Variants in PLXDC2 observed in about 807,000 individuals in gnomAD.
PLXDC2 encodes plexin domain-containing protein 2.
In PLXDC2, 40 loss-of-function variants were observed where a neutral mutation model predicts 68.9. That is an observed-to-expected ratio of 0.58 (90% CI 0.45 to 0.76). The LOEUF is 0.76. PLXDC2 is among the 30% of genes least tolerant of loss of function. The probability of loss-of-function intolerance (pLI) is 0.00; values close to 1 mark genes in which losing one functional copy is unlikely to be tolerated. For missense variants in PLXDC2, 644 were observed against 661.9 expected (o/e 0.97, Z 0.30); for synonymous variants, 243 against 234.2 (o/e 1.04, Z -0.34).
In PLXDC2 at chr10:19,816,780, C is replaced by G; in HGVS notation, c.-300C>G. On this transcript the variant is annotated 5_prime_UTR_variant, in exon 1 of 14. Coordinates refer to ENST00000377252, the MANE Select transcript of PLXDC2 (RefSeq NM_032812.9). ...CTGCCCGAGTGGAACCGACAGTTTGCGAGCCTCGGCTGCAAGTGGCCTCTC... is the reference window on the plus strand; with the variant it reads ...CTGCCCGAGTGGAACCGACAGTTTGGGAGCCTCGGCTGCAAGTGGCCTCTC... 1 of 477,862 alleles carries G rather than the reference C, an allele frequency of 2.1e-6. No homozygotes were observed. The highest frequency in any genetic ancestry group is 3.8e-6 in the Non-Finnish European group (1 of 266,528). 29.6% of individuals were successfully genotyped at this position (477,862 alleles called of 1,614,324 possible).
At chr10:20,074,616 CTT>C in intron 4 of PLXDC2, among the ~76,000 whole-genome samples, 1 of 152,054 alleles carries the variant, frequency 6.6e-6, no homozygotes, top group East Asian at 1.9e-4. Flanking sequence ...CTCCCTGCTC[CTT>C]TTTTGTTCTG....
intron 1 of PLXDC2, among the ~76,000 whole-genome samples, chr10:19,908,870 G>A (rs992358745): frequency 4.6e-5 from 7 of 152,090 alleles, no homozygotes; most frequent in African/African-American, 1.7e-4. Flanking sequence ...ACAATGAGAA[G>A]GCGACCTTGC....
Position 20,020,178 on chromosome 10 carries a change from ATTTTT to A in PLXDC2, c.324+18210_324+18214del, listed in dbSNP as rs71388889. Reference sequence around the variant, plus strand: ...AAACACATGCCACCACACCCAGCAAATTTTTTTTTTTTTTTTTTTTTTGTAGAGAG... The same window carrying A: ...AAACACATGCCACCACACCCAGCAAATTTTTTTTTTTTTTTTTGTAGAGAG... On this transcript the variant is annotated intron_variant, in intron 2 of 13. Transcript: ENST00000377252. Among the ~76,000 whole-genome samples the A allele has an allele frequency of 9.5e-4, 102 of 107,328 alleles. 1 individual carries two copies. Among genetic ancestry groups the A allele is most frequent in the Admixed American group, 2.6e-3 (26 of 9,974 alleles). The allele number at this position is 107,328 out of a possible 152,430, so 70.4% of individuals were successfully genotyped here.
chr10:20,135,603 A>G (rs995656606), intron 4 of PLXDC2, among the ~76,000 whole-genome samples: 10 of 152,102 alleles, frequency 6.6e-5, no homozygotes, highest in Non-Finnish European at 1.0e-4. Flanking sequence ...TTTTTTGTCT[A>G]TCTTCCCCTC....
chr10:20,110,120 G>A (rs1243630608), intron 4 of PLXDC2, among the ~76,000 whole-genome samples: 1 of 152,204 alleles, frequency 6.6e-6, no homozygotes, highest in Non-Finnish European at 1.5e-5. Flanking sequence ...TGCCTGGCAG[G>A]GATGGAGACT....
intron 1 of PLXDC2, among the ~76,000 whole-genome samples, chr10:19,953,534 A>T (rs1480291392): frequency 6.6e-6 from 1 of 152,196 alleles, no homozygotes; most frequent in African/African-American, 2.4e-5. Flanking sequence ...AGGTCTAGCA[A>T]AAATACCAAT....
chr10:20,050,954 A>G lies in PLXDC2; in HGVS notation c.471+3939A>G, dbSNP rs942548986. Among the ~76,000 whole-genome samples the G allele has an allele frequency of 2.4e-4, 36 of 152,130 alleles. 1 individual carries two copies. Among genetic ancestry groups the G allele is most frequent in the Non-Finnish European group, 1.5e-4 (10 of 68,006 alleles). ...ACATGTGAATGTTTATTGCAGCACTATTCACAAAAGCAAAGACATGGAATC... is the reference window on the plus strand; with the variant it reads ...ACATGTGAATGTTTATTGCAGCACTGTTCACAAAAGCAAAGACATGGAATC... On this transcript the variant is annotated intron_variant, in intron 3 of 13. Transcript: ENST00000377252.
At chr10:20,047,773 A>G (rs1835822047) in intron 3 of PLXDC2, among the ~76,000 whole-genome samples, 1 of 152,146 alleles carries the variant, frequency 6.6e-6, no homozygotes, top group African/African-American at 2.4e-5. Context: ...TACATCACAC[A>G]TTGCAGATAA....
intron 1 of PLXDC2, among the ~76,000 whole-genome samples, chr10:19,909,007 C>T (rs1366280987): frequency 6.6e-6 from 1 of 152,186 alleles, no homozygotes; most frequent in African/African-American, 2.4e-5. Context: ...AACTTATACA[C>T]TAGCAAAGTG....
At chr10:20,264,077 A>T (rs768958918) in intron 13 of PLXDC2, among the ~76,000 whole-genome samples, 1 of 152,178 alleles carries the variant, frequency 6.6e-6, no homozygotes, top group African/African-American at 2.4e-5. Context: ...ATGTCCATCA[A>T]TGACACACTG....
chr10:19,858,139 A>C (rs1272853828), intron 1 of PLXDC2, among the ~76,000 whole-genome samples: 1 of 152,196 alleles, frequency 6.6e-6, no homozygotes, highest in East Asian at 1.9e-4. Context: ...AGAAGATATG[A>C]ATAGCAAGAA....
At chr10:20,131,799 G>A (rs1024345055) in intron 4 of PLXDC2, among the ~76,000 whole-genome samples, 2 of 151,892 alleles carry the variant, frequency 1.3e-5, no homozygotes, top group East Asian at 3.9e-4. Flanking sequence ...TTAATCTTTT[G>A]TATTGTTTTT....
chr10:20,043,087 G>A (rs1206780440), intron 2 of PLXDC2, among the ~76,000 whole-genome samples: 5 of 152,138 alleles, frequency 3.3e-5, no homozygotes, highest in African/African-American at 1.2e-4. Context: ...GATAAGACGT[G>A]TTTTGAATAC....
intron 13 of PLXDC2, among the ~76,000 whole-genome samples, chr10:20,253,148 T>A (rs1294526556): frequency 6.6e-6 from 1 of 151,944 alleles, no homozygotes; most frequent in Non-Finnish European, 1.5e-5. Flanking sequence ...GAGGGTCCTT[T>A]GAAATCAGGA....
chr10:20,265,561 TTAAAA>T (rs1357207664), intron 13 of PLXDC2, among the ~76,000 whole-genome samples: 3 of 152,212 alleles, frequency 2.0e-5, no homozygotes, highest in Admixed American at 6.5e-5. Context: ...TTATTGAATG[TTAAAA>T]TAATAATAAT....
chr10:20,129,731 G>A (rs1052434064), intron 4 of PLXDC2, among the ~76,000 whole-genome samples: 12 of 151,946 alleles, frequency 7.9e-5, no homozygotes, highest in South Asian at 6.2e-4. Context: ...TTCTACTTGC[G>A]GATATCTAGT....
chr10:20,156,246 T>G (rs1375468608), intron 6 of PLXDC2, among the ~76,000 whole-genome samples: 1 of 152,180 alleles, frequency 6.6e-6, no homozygotes, highest in Non-Finnish European at 1.5e-5. Context: ...TCACTGTCTT[T>G]TGTGTGAAGT....
chr10:20,062,319 G>A (rs1242073053), intron 3 of PLXDC2, among the ~76,000 whole-genome samples: 1 of 152,168 alleles, frequency 6.6e-6, no homozygotes, highest in Non-Finnish European at 1.5e-5. Context: ...AGCTACTAGG[G>A]AGGCTGAGGC....
chr10:19,976,652 C>T (rs1409028133), intron 1 of PLXDC2, among the ~76,000 whole-genome samples: 1 of 152,174 alleles, frequency 6.6e-6, no homozygotes, highest in Non-Finnish European at 1.5e-5. Flanking sequence ...TTGCAGAGCA[C>T]CCAATGTGTT....
Sources: gnomAD v4.1 joint callset for allele counts (sites outside exome capture counted in the v4.1 genomes callset) on GRCh38, gnomAD v4.1.1 for gene constraint, MANE v1.5 for transcripts, NCBI Gene and HGNC (gene_info 2026-07-23, HGNC 2026-07-21) for gene names.